The following RBFOX2 variants were observed in gnomAD, a reference collection of about 807,000 sequenced individuals.
The protein encoded by RBFOX2 is RNA binding protein fox-1 homolog 2.
RBFOX2 carries 10 observed loss-of-function variants against 49.1 expected under a neutral mutation model. The ratio of observed to expected loss-of-function variants is 0.20; its 90% CI spans 0.13 to 0.35. RBFOX2 has a LOEUF of 0.35. Ranked by LOEUF, RBFOX2 falls within the 10% of genes least tolerant of loss-of-function variation. The pLI is 1.00. For missense variants in RBFOX2, 323 were observed against 486.9 expected (o/e 0.66, Z 3.17); for synonymous variants, 183 against 187.4 (o/e 0.98, Z 0.19).
chr22:36,008,824 A>T (rs1162154248), intron 1 of RBFOX2, among the ~76,000 whole-genome samples: 1 of 151,592 alleles, frequency 6.6e-6, no homozygotes, highest in African/African-American at 2.4e-5. Context: ...AAGAAAAAAG[A>T]AAAAAAAAGG....
intron 1 of RBFOX2, among the ~76,000 whole-genome samples, chr22:35,891,797 C>T (rs2047272625): frequency 6.7e-6 from 1 of 148,736 alleles, no homozygotes; most frequent in Non-Finnish European, 1.5e-5. Flanking sequence ...TTGATGATGG[C>T]GAGAGAGGGA....
At chr22:36,011,654 A>G (rs1232410212) in intron 1 of RBFOX2, among the ~76,000 whole-genome samples, 1 of 150,498 alleles carries the variant, frequency 6.6e-6, no homozygotes, top group Non-Finnish European at 1.5e-5. Context: ...GTTACTTCCA[A>G]AAAGATAAAA....
rs576461668 is a variant in RBFOX2 at position 35,979,321 on chromosome 22, G to T, written c.187-40424C>A. On this transcript the variant is annotated intron_variant, in intron 1 of 13. Coordinates refer to the RBFOX2 transcript ENST00000438146. ...CTAGACAAGATACCGGACCAAAAAGGAAAAAGACATTGCTGGGACAGCTGG... is the reference window on the plus strand; with the variant it reads ...CTAGACAAGATACCGGACCAAAAAGTAAAAAGACATTGCTGGGACAGCTGG... Among the ~76,000 whole-genome samples, 6 of 152,304 alleles carry T rather than the reference G, an allele frequency of 3.9e-5. No homozygotes were observed. The East Asian group carries it at 9.6e-4, about 24-fold the overall frequency.
At chr22:35,980,712 T>C (rs2057414118) in intron 1 of RBFOX2, among the ~76,000 whole-genome samples, 1 of 151,994 alleles carries the variant, frequency 6.6e-6, no homozygotes, top group South Asian at 2.1e-4. Context: ...ATACACCATT[T>C]ACAAGACAAA....
At chr22:35,830,035 C>CA (rs1197562484) in intron 1 of RBFOX2, among the ~76,000 whole-genome samples, 1 of 152,150 alleles carries the variant, frequency 6.6e-6, no homozygotes, top group Non-Finnish European at 1.5e-5. Context: ...ATCTATTTCC[C>CA]AAACTACATG....
intron 5 of RBFOX2, among the ~76,000 whole-genome samples, chr22:35,767,813 G>A (rs921263515): frequency 5.9e-5 from 9 of 152,146 alleles, no homozygotes; most frequent in African/African-American, 9.7e-5. Context: ...CCTCCCAAGA[G>A]AGAGGATATT....
At chr22:35,935,848 C>G (rs1029498644) in intron 1 of RBFOX2, among the ~76,000 whole-genome samples, 4 of 152,148 alleles carry the variant, frequency 2.6e-5, no homozygotes, top group Non-Finnish European at 4.4e-5. Flanking sequence ...CCTCTGTGTG[C>G]TTCAATTTCC....
At chr22:35,971,095 TGTGCA>T (rs1280331156) in intron 1 of RBFOX2, among the ~76,000 whole-genome samples, 1 of 152,154 alleles carries the variant, frequency 6.6e-6, no homozygotes, top group Admixed American at 6.6e-5. Flanking sequence ...TCTTTTAAGC[TGTGCA>T]GAGTGCCTGA....
At chr22:35,757,868 A>AT (rs1351337158) in intron 9 of RBFOX2, among the ~76,000 whole-genome samples, 4 of 152,218 alleles carry the variant, frequency 2.6e-5, no homozygotes, top group Non-Finnish European at 5.9e-5. Context: ...GTGGTGATTA[A>AT]TTAAACTTCA....
intron 1 of RBFOX2, among the ~76,000 whole-genome samples, chr22:35,868,179 C>T (rs1327597751): frequency 6.6e-6 from 1 of 152,168 alleles, no homozygotes; most frequent in African/African-American, 2.4e-5. Flanking sequence ...CCACTGCACT[C>T]CAGCCTGAGC....
Position 35,978,457 on chromosome 22 carries a change from C to T in RBFOX2, c.187-39560G>A, listed in dbSNP as rs187417418. Among the ~76,000 whole-genome samples the T allele has an allele frequency of 1.4e-4, 22 of 152,294 alleles. No individual in the cohort carries two copies. In the East Asian group the frequency reaches 3.9e-3, roughly 27 times the overall value. The stretch of plus-strand genomic sequence containing the variant: ...GCAAGGACACTCTAGTAGCAATATG[C>T]ATACCCACCACCCAGATGTTGGTTT... On this transcript the variant is annotated intron_variant, in intron 1 of 13. Coordinates refer to the RBFOX2 transcript ENST00000438146.
At chr22:35,862,874 T>C (rs779752128) in intron 1 of RBFOX2, among the ~76,000 whole-genome samples, 11 of 152,252 alleles carry the variant, frequency 7.2e-5, no homozygotes, top group Admixed American at 4.6e-4. Context: ...TGAATAGGCC[T>C]GGCATATACT....
In RBFOX2 at chr22:35,772,415, G is replaced by A. The variant is rs536832659; in HGVS notation, c.454-4066C>T. Among the ~76,000 whole-genome samples the A allele has an allele frequency of 9.9e-5, 15 of 152,032 alleles. No homozygotes were observed. In the South Asian group the frequency reaches 2.7e-3, roughly 27 times the overall value. ...CACATATTATTAACATTTCAATATG[G>A]TATTAATATTAAAACATTATTAGTG... On this transcript the variant is annotated intron_variant, in intron 4 of 11. Transcript: ENST00000405409.
chr22:35,931,823 G>T (rs907395218), intron 1 of RBFOX2, among the ~76,000 whole-genome samples: 1 of 152,174 alleles, frequency 6.6e-6, no homozygotes, highest in African/African-American at 2.4e-5. Flanking sequence ...TTTAAGGAAT[G>T]TAAGTATTAG....
chr22:36,017,422 G>A (rs1479953099), intron 1 of RBFOX2, among the ~76,000 whole-genome samples: 1 of 152,114 alleles, frequency 6.6e-6, no homozygotes, highest in Non-Finnish European at 1.5e-5. Context: ...CAGCTACTCG[G>A]GAGGCTGAGG....
At chr22:36,018,539 C>A (rs1194465198) in intron 1 of RBFOX2, among the ~76,000 whole-genome samples, 1 of 152,078 alleles carries the variant, frequency 6.6e-6, no homozygotes, top group African/African-American at 2.4e-5. Context: ...AGAAGTCAGG[C>A]CAAACAAGAG....
At chr22:35,777,139 G>C (rs906725040) in intron 4 of RBFOX2, among the ~76,000 whole-genome samples, 1 of 151,640 alleles carries the variant, frequency 6.6e-6, no homozygotes, top group South Asian at 2.1e-4. Flanking sequence ...AGCCTCCCGA[G>C]TAGCTGGGAT....
chr22:35,793,949 T>C (rs1948270187), intron 2 of RBFOX2, among the ~76,000 whole-genome samples: 1 of 152,232 alleles, frequency 6.6e-6, no homozygotes. Flanking sequence ...GTACTGATTA[T>C]CAGTGTCACG....
chr22:36,003,348 T>C (rs2058501199), intron 1 of RBFOX2, among the ~76,000 whole-genome samples: 2 of 152,230 alleles, frequency 1.3e-5, no homozygotes, highest in Admixed American at 6.5e-5. Context: ...CCATGTATTG[T>C]AATAATTCAA....
Sources: allele counts gnomAD v4.1 joint callset (sites outside exome capture counted in the v4.1 genomes callset), GRCh38; gene constraint gnomAD v4.1.1; transcripts MANE v1.5; gene names NCBI Gene and HGNC (gene_info 2026-07-23, HGNC 2026-07-21).